The following SCFD2 variants were observed in gnomAD, a reference collection of about 807,000 sequenced individuals.
SCFD2 encodes sec1 family domain-containing protein 2.
Under a neutral mutation model 58.9 loss-of-function variants are expected in SCFD2, and 54 were observed. That is an observed-to-expected ratio of 0.92 (90% CI 0.74 to 1.15). The LOEUF (loss-of-function observed/expected upper bound fraction) is 1.15, where lower values mean the gene tolerates loss of function less well. SCFD2 is among the 50% of genes most tolerant of loss of function. The pLI, the probability that SCFD2 is intolerant of heterozygous loss-of-function variation, is 0.00. For missense variants in SCFD2, 805 were observed against 836.6 expected (o/e 0.96, Z 0.47); for synonymous variants, 321 against 335.9 (o/e 0.96, Z 0.49).
intron 6 of SCFD2, among the ~76,000 whole-genome samples, chr4:52,909,614 A>G (rs1185268195): frequency 4.0e-5 from 6 of 151,880 alleles, no homozygotes; most frequent in Admixed American, 3.3e-4. Flanking sequence ...TGTATTGTTT[A>G]TTTATTTATT....
At chr4:53,287,014 G>A (rs1317995210) in intron 3 of SCFD2, among the ~76,000 whole-genome samples, 1 of 152,080 alleles carries the variant, frequency 6.6e-6, no homozygotes, top group African/African-American at 2.4e-5. Context: ...CCCAGGGCCT[G>A]ACGTTCTAGA....
chr4:53,125,683 C>T (rs149136105), intron 5 of SCFD2, among the ~76,000 whole-genome samples: 1,614 of 152,312 alleles, frequency 0.011, 33 homozygotes, highest in African/African-American at 0.036. Context: ...GGAGCAAACA[C>T]ACTCCTGCCA....
chr4:53,159,792 G>A lies in SCFD2; in HGVS notation c.1312-14210C>T, dbSNP rs1398993948. ...GACCACCCCCTTCAGAAGCCCTAGT[G>A]ACAGCTGGCTGGGGCCTACGACAGC... On this transcript the variant is annotated intron_variant, in intron 4 of 8. Transcript: ENST00000401642. 1.7e-4 allele frequency among the ~76,000 whole-genome samples: 26 copies of A among 152,328 alleles called. No individual in the cohort carries two copies. The South Asian group carries it at 5.2e-3, about 30-fold the overall frequency.
intron 3 of SCFD2, among the ~76,000 whole-genome samples, chr4:53,299,564 A>G (rs1377753536): frequency 1.3e-5 from 2 of 152,014 alleles, no homozygotes; most frequent in Non-Finnish European, 2.9e-5. Context: ...CTAGCAAGGC[A>G]GGCCAACATT....
At chr4:53,069,421 G>A (rs1049913976) in intron 5 of SCFD2, among the ~76,000 whole-genome samples, 2 of 150,568 alleles carry the variant, frequency 1.3e-5, no homozygotes, top group Non-Finnish European at 3.0e-5. Flanking sequence ...AGCCCACCAT[G>A]GGCTGCATAC....
In SCFD2 at chr4:52,877,412, A is replaced by G. The variant is rs1177261763; in HGVS notation, c.1963-3351T>C. 2.0e-5 allele frequency among the ~76,000 whole-genome samples: 3 copies of G among 152,170 alleles called. No individual in the cohort carries two copies. In the East Asian group the frequency reaches 5.8e-4, roughly 30 times the overall value. On this transcript the variant is annotated intron_variant, in intron 8 of 8. Coordinates refer to ENST00000401642, the MANE Select transcript of SCFD2 (RefSeq NM_152540.4). ...AGGACTGAGGACAGGAGGCTTTGGG[A>G]TAGTACAGTGGTTAAGAGCACAGGT... is the stretch of plus-strand genomic sequence containing the variant.
intron 2 of SCFD2, among the ~76,000 whole-genome samples, chr4:53,316,670 T>C (rs1732873959): frequency 6.6e-6 from 1 of 152,192 alleles, no homozygotes; most frequent in South Asian, 2.1e-4. Context: ...ACAATCTTGA[T>C]TAGTGCAGAT....
chr4:53,140,025 A>T (rs1275328820), intron 5 of SCFD2, among the ~76,000 whole-genome samples: 5 of 151,896 alleles, frequency 3.3e-5, no homozygotes, highest in Non-Finnish European at 5.9e-5. Context: ...GTTAAGAGTC[A>T]TCACCACTCC....
At chr4:53,113,452 C>T (rs983244194) in intron 5 of SCFD2, among the ~76,000 whole-genome samples, 23 of 152,118 alleles carry the variant, frequency 1.5e-4, no homozygotes, top group African/African-American at 4.3e-4. Flanking sequence ...CTACTTCTCA[C>T]AGACATGTAG....
At chr4:53,096,720 T>C (rs1020910648) in intron 5 of SCFD2, among the ~76,000 whole-genome samples, 25 of 152,252 alleles carry the variant, frequency 1.6e-4, no homozygotes, top group Non-Finnish European at 1.0e-4. Context: ...TTCATTTAAT[T>C]AGATCCCATT....
intron 3 of SCFD2, among the ~76,000 whole-genome samples, chr4:53,302,807 A>G (rs549551336): frequency 6.6e-6 from 1 of 152,314 alleles, no homozygotes; most frequent in African/African-American, 2.4e-5. Flanking sequence ...CATATCTACA[A>G]CTATCTGTTC....
At chr4:53,042,050 A>G (rs1722913449) in intron 5 of SCFD2, among the ~76,000 whole-genome samples, 1 of 152,198 alleles carries the variant, frequency 6.6e-6, no homozygotes, top group African/African-American at 2.4e-5. Flanking sequence ...TGGGTCTAAC[A>G]AAGGGACACA....
intron 3 of SCFD2, among the ~76,000 whole-genome samples, chr4:53,311,136 C>A (rs1219049053): frequency 1.3e-5 from 2 of 152,008 alleles, no homozygotes; most frequent in Non-Finnish European, 2.9e-5. Flanking sequence ...AAAATGAGAC[C>A]CAAGAAATTC....
intron 5 of SCFD2, among the ~76,000 whole-genome samples, chr4:52,978,129 T>A (rs1721293851): frequency 6.6e-6 from 1 of 152,066 alleles, no homozygotes; most frequent in Admixed American, 6.5e-5. Context: ...AGGTGAAGCA[T>A]GGAATGAAAG....
At chr4:53,223,782 G>C (rs1707435548) in intron 4 of SCFD2, among the ~76,000 whole-genome samples, 1 of 152,184 alleles carries the variant, frequency 6.6e-6, no homozygotes, top group African/African-American at 2.4e-5. Flanking sequence ...GACATTTATA[G>C]AGAGCTCTAT....
chr4:53,105,340 G>A (rs1390390391), intron 5 of SCFD2, among the ~76,000 whole-genome samples: 1 of 151,524 alleles, frequency 6.6e-6, no homozygotes, highest in Admixed American at 6.6e-5. Flanking sequence ...AGACAGAGCC[G>A]TTCACTCCCC....
chr4:53,101,453 T>A (rs1724830658), intron 5 of SCFD2, among the ~76,000 whole-genome samples: 1 of 152,178 alleles, frequency 6.6e-6, no homozygotes, highest in Non-Finnish European at 1.5e-5. Context: ...AAGTTTAAAA[T>A]GTATCTGCTG....
At chr4:53,060,269 G>C (rs1298900316) in intron 5 of SCFD2, among the ~76,000 whole-genome samples, 2 of 152,054 alleles carry the variant, frequency 1.3e-5, no homozygotes, top group Non-Finnish European at 2.9e-5. Flanking sequence ...ACTGTTCTTC[G>C]TGTTACTCTG....
intron 5 of SCFD2, among the ~76,000 whole-genome samples, chr4:53,053,900 G>C (rs1393726200): frequency 6.6e-6 from 1 of 152,022 alleles, no homozygotes; most frequent in East Asian, 1.9e-4. Flanking sequence ...AGTATAATTG[G>C]AATATTTACC....
Sources: allele counts gnomAD v4.1 joint callset (sites outside exome capture counted in the v4.1 genomes callset), GRCh38; gene constraint gnomAD v4.1.1; transcripts MANE v1.5; gene names NCBI Gene and HGNC (gene_info 2026-07-23, HGNC 2026-07-21).